Variants in WWOX observed in about 807,000 individuals in gnomAD.
WWOX encodes the protein WW domain-containing oxidoreductase.
A neutral mutation model predicts 46.2 loss-of-function variants in WWOX; 69 were observed. The ratio of observed to expected loss-of-function variants is 1.49; its 90% CI spans 1.23 to 1.82. The LOEUF is 1.82. Among genes scored for constraint, WWOX ranks in the 40% most tolerant of loss-of-function variants. WWOX has a pLI of 0.00. For missense variants in WWOX, 919 were observed against 542.6 expected (o/e 1.69, Z -6.89); for synonymous variants, 359 against 202.6 (o/e 1.77, Z -6.56).
intron 8 of WWOX, among the ~76,000 whole-genome samples, chr16:78,690,900 A>G (rs6564576): frequency 0.34 from 50,917 of 151,986 alleles, 9,163 homozygotes; most frequent in African/African-American, 0.38. Flanking sequence ...GGGTTTTCAA[A>G]TATTGCAGGT....
At chr16:79,094,243 C>CTT (rs746687673) in intron 8 of WWOX, among the ~76,000 whole-genome samples, 9 of 138,386 alleles carry the variant, frequency 6.5e-5, no homozygotes, top group Non-Finnish European at 7.9e-5. Context: ...TGAGGTTTTT[C>CTT]TTTTTTTTTT....
intron 8 of WWOX, among the ~76,000 whole-genome samples, chr16:78,434,487 G>T (rs2083293512): frequency 1.3e-5 from 2 of 152,342 alleles, no homozygotes; most frequent in African/African-American, 4.8e-5. Flanking sequence ...CTGGGTGCCA[G>T]TGCCATTTAA....
chr16:78,237,831 A>C (rs1021353397), intron 5 of WWOX: 1 of 152,252 alleles, frequency 6.6e-6, no homozygotes, highest in Non-Finnish European at 1.5e-5. Flanking sequence ...ATACCTCTGT[A>C]ATAGCCTCGG....
chr16:78,413,947 T>C (rs1056969897), intron 6 of WWOX, among the ~76,000 whole-genome samples: 4 of 151,348 alleles, frequency 2.6e-5, no homozygotes, highest in Non-Finnish European at 4.4e-5. Context: ...CCTGCACATA[T>C]ACATCCAGAT....
At chr16:78,638,238 G>T (rs1597380435) in intron 8 of WWOX, among the ~76,000 whole-genome samples, 1 of 152,190 alleles carries the variant, frequency 6.6e-6, no homozygotes, top group East Asian at 1.9e-4. Context: ...CGAAGGCTTG[G>T]AGGGGTTGAA....
chr16:79,036,775 A>G (rs1217510359), intron 8 of WWOX, among the ~76,000 whole-genome samples: 3 of 152,224 alleles, frequency 2.0e-5, no homozygotes, highest in Non-Finnish European at 4.4e-5. Flanking sequence ...CATATCTGTC[A>G]TCATGGCTCT....
At chr16:79,038,676 A>G (rs1008448374) in intron 8 of WWOX, among the ~76,000 whole-genome samples, 2 of 152,024 alleles carry the variant, frequency 1.3e-5, no homozygotes, top group African/African-American at 2.4e-5. Context: ...CAGGCTCCCA[A>G]GTAGCTGGGA....
At chr16:78,686,276 C>T (rs1373912017) in intron 8 of WWOX, among the ~76,000 whole-genome samples, 3 of 152,122 alleles carry the variant, frequency 2.0e-5, no homozygotes, top group African/African-American at 7.2e-5. Context: ...CTTTGGGAGG[C>T]CGAGGCGGGC....
At chr16:78,636,367 A>G (rs2046570868) in intron 8 of WWOX, among the ~76,000 whole-genome samples, 3 of 152,274 alleles carry the variant, frequency 2.0e-5, no homozygotes, top group Middle Eastern at 3.4e-3. Context: ...TGATATATTA[A>G]TATATTTAAT....
At chr16:78,775,049 A>G (rs965758351) in intron 8 of WWOX, among the ~76,000 whole-genome samples, 8 of 152,100 alleles carry the variant, frequency 5.3e-5, no homozygotes, top group African/African-American at 7.2e-5. Context: ...CTCACTCCTG[A>G]GGGTGGGGAG....
intron 8 of WWOX, among the ~76,000 whole-genome samples, chr16:79,112,009 G>A (rs972456403): frequency 2.0e-5 from 3 of 152,046 alleles, no homozygotes; most frequent in Middle Eastern, 3.4e-3. Context: ...ATTCTTTTTG[G>A]TGAATATCCC....
intron 8 of WWOX, among the ~76,000 whole-genome samples, chr16:78,976,073 C>T (rs1266011511): frequency 6.6e-6 from 1 of 152,192 alleles, no homozygotes; most frequent in Non-Finnish European, 1.5e-5. Context: ...AACATTAGGG[C>T]ATTGTTATTC....
chr16:78,413,806 A>G (rs1037675761), intron 6 of WWOX, among the ~76,000 whole-genome samples: 3 of 151,638 alleles, frequency 2.0e-5, no homozygotes, highest in African/African-American at 4.8e-5. Context: ...GCAGGTCTGC[A>G]TGGGGCCACC....
chr16:78,373,563 G>T (rs751007943), intron 5 of WWOX, among the ~76,000 whole-genome samples: 1 of 152,078 alleles, frequency 6.6e-6, no homozygotes, highest in Non-Finnish European at 1.5e-5. Flanking sequence ...CTATGCTGTG[G>T]AAAGAGGAGA....
intron 6 of WWOX, among the ~76,000 whole-genome samples, chr16:78,390,409 C>G (rs1027896555): frequency 6.6e-5 from 10 of 152,208 alleles, no homozygotes; most frequent in Non-Finnish European, 5.9e-5. Flanking sequence ...CCATTTTGCC[C>G]TAATCCCAGA....
In WWOX at chr16:78,144,776, C is replaced by T. The variant is rs953221887; in HGVS notation, c.410-19407C>T. On this transcript the variant is annotated intron_variant, in intron 4 of 8. Transcript: ENST00000566780. ...CCTCAAGAAATCCGCCCACCTTGGC[C>T]TACCAAAGTGCTGGGATTACAGGCG... is the stretch of plus-strand genomic sequence containing the variant. 6.6e-5 allele frequency among the ~76,000 whole-genome samples: 10 copies of T among 151,812 alleles called. No homozygotes were observed. The South Asian group carries it at 1.3e-3, about 19-fold the overall frequency.
chr16:78,453,936 A>C (rs1208479735), intron 8 of WWOX, among the ~76,000 whole-genome samples: 1 of 152,088 alleles, frequency 6.6e-6, no homozygotes, highest in East Asian at 1.9e-4. Flanking sequence ...AATTATTTCT[A>C]CCAAGTCCAA....
At chr16:78,117,937 T>C (rs2151678680) in intron 4 of WWOX, among the ~76,000 whole-genome samples, 1 of 152,300 alleles carries the variant, frequency 6.6e-6, no homozygotes, top group South Asian at 2.1e-4. Flanking sequence ...ACAGGATTTA[T>C]TTTGAAAGTG....
intron 8 of WWOX, among the ~76,000 whole-genome samples, chr16:79,063,872 A>G (rs933166964): frequency 2.6e-5 from 4 of 152,204 alleles, no homozygotes; most frequent in African/African-American, 9.6e-5. Flanking sequence ...CCTGAAATCA[A>G]TTTTAAAGTA....
Sources: gnomAD v4.1 joint callset for allele counts (sites outside exome capture counted in the v4.1 genomes callset) on GRCh38, gnomAD v4.1.1 for gene constraint, MANE v1.5 for transcripts, NCBI Gene and HGNC (gene_info 2026-07-23, HGNC 2026-07-21) for gene names.